CNTN5: variants seen among roughly 807,000 people sequenced by gnomAD.
The protein encoded by CNTN5 is contactin-5.
CNTN5 carries 77 observed loss-of-function variants against 129.1 expected under a neutral mutation model. The observed-to-expected ratio is 0.60, with a 90% CI of 0.50 to 0.72. CNTN5 has a LOEUF of 0.72. Ranked by LOEUF, CNTN5 falls within the 30% of genes least tolerant of loss-of-function variation. The pLI is 0.00. For missense variants in CNTN5, 1,478 were observed against 1,328.8 expected, an observed-to-expected ratio of 1.11 and a Z score of -1.75; for synonymous variants, 509 against 465.6, an observed-to-expected ratio of 1.09 and a Z score of -1.20.
At chr11:99,601,443 CATT>C (rs1456699301) in intron 3 of CNTN5, among the ~76,000 whole-genome samples, 1 of 152,148 alleles carries the variant, frequency 6.6e-6, no homozygotes, top group African/African-American at 2.4e-5. Flanking sequence ...CTCTTCTAAA[CATT>C]AATAATAGAA....
chr11:99,102,919 G>A (rs1443864490), intron 1 of CNTN5, among the ~76,000 whole-genome samples: 1 of 152,068 alleles, frequency 6.6e-6, no homozygotes, highest in Non-Finnish European at 1.5e-5. Context: ...ACAGACTGAA[G>A]ACTGGGTAAT....
At chr11:100,222,536 C>A (rs548143338) in intron 15 of CNTN5, among the ~76,000 whole-genome samples, 1 of 151,924 alleles carries the variant, frequency 6.6e-6, no homozygotes, top group East Asian at 1.9e-4. Flanking sequence ...TTATTAATTA[C>A]AGGAATGTGA....
intron 13 of CNTN5, among the ~76,000 whole-genome samples, chr11:100,182,127 A>G (rs766022241): frequency 2.0e-5 from 3 of 152,118 alleles, no homozygotes; most frequent in Non-Finnish European, 4.4e-5. Context: ...AATGCAGCAG[A>G]ACAGAGAATC....
chr11:99,688,659 T>A (rs1953901441), intron 3 of CNTN5, among the ~76,000 whole-genome samples: 1 of 152,174 alleles, frequency 6.6e-6, no homozygotes, highest in Non-Finnish European at 1.5e-5. Flanking sequence ...GCGGTTTTGT[T>A]ACATAGGTAA....
In CNTN5 at chr11:99,588,094, G is replaced by A. The variant is rs1327583423; in HGVS notation, c.55+31825G>A. ...CGCAGTGGCTCACGCCTGTAATCCC[G>A]GCACTTTGGGAGGCCGAGGCGGGCG... On this transcript the variant is annotated intron_variant, in intron 3 of 24. Transcript: ENST00000524871. Among the ~76,000 whole-genome samples, 9 of 152,148 alleles carry A rather than the reference G, an allele frequency of 5.9e-5. No homozygotes were observed. In the East Asian group the frequency reaches 7.8e-4, roughly 13 times the overall value.
At chr11:100,155,008 GA>G (rs1363909601) in intron 13 of CNTN5, among the ~76,000 whole-genome samples, 1 of 152,116 alleles carries the variant, frequency 6.6e-6, no homozygotes, top group African/African-American at 2.4e-5. Flanking sequence ...TGGCTGTGCA[GA>G]AACTCTTTAG....
At chr11:99,627,619 A>T (rs1448692678) in intron 3 of CNTN5, among the ~76,000 whole-genome samples, 7 of 152,088 alleles carry the variant, frequency 4.6e-5, no homozygotes, top group Non-Finnish European at 1.0e-4. Flanking sequence ...ACGAGTAAGG[A>T]GAATGAGCTG....
intron 1 of CNTN5, among the ~76,000 whole-genome samples, chr11:99,199,839 A>C (rs540972767): frequency 6.6e-6 from 1 of 152,294 alleles, no homozygotes; most frequent in African/African-American, 2.4e-5. Flanking sequence ...ATTCGGGGAG[A>C]GGTGAAGAAT....
intron 2 of CNTN5, among the ~76,000 whole-genome samples, chr11:99,420,889 C>T (rs1219642030): frequency 6.6e-6 from 1 of 152,076 alleles, no homozygotes; most frequent in Admixed American, 6.6e-5. Flanking sequence ...CTCAGTATTC[C>T]TGCCCTTTGC....
intron 2 of CNTN5, among the ~76,000 whole-genome samples, chr11:99,525,081 G>C (rs1296420575): frequency 2.6e-5 from 4 of 152,006 alleles, no homozygotes. Context: ...ACTAGATACA[G>C]TACACATTGT....
intron 3 of CNTN5, among the ~76,000 whole-genome samples, chr11:99,702,479 T>G (rs1025263929): frequency 2.0e-5 from 3 of 150,980 alleles, no homozygotes; most frequent in Non-Finnish European, 4.5e-5. Context: ...ATGGCAGGCT[T>G]ATTAGTATCA....
intron 2 of CNTN5, among the ~76,000 whole-genome samples, chr11:99,442,825 G>C (rs562827497): frequency 1.3e-5 from 2 of 152,180 alleles, no homozygotes; most frequent in Non-Finnish European, 2.9e-5. Flanking sequence ...GTCTGTGAAC[G>C]AAGTGATACA....
intron 8 of CNTN5, among the ~76,000 whole-genome samples, chr11:100,001,299 G>C (rs1398942225): frequency 6.6e-6 from 1 of 152,114 alleles, no homozygotes; most frequent in East Asian, 1.9e-4. Flanking sequence ...ATGAAATTTT[G>C]TGAGAACTCT....
chr11:99,455,439 G>T (rs79119223), intron 2 of CNTN5, among the ~76,000 whole-genome samples: 3 of 147,498 alleles, frequency 2.0e-5, no homozygotes, highest in African/African-American at 7.4e-5. Context: ...AAAATATGTA[G>T]TTTTTTTTTT....
chr11:100,253,202 A>G (rs1464410939), intron 16 of CNTN5, among the ~76,000 whole-genome samples: 1 of 152,136 alleles, frequency 6.6e-6, no homozygotes, highest in Non-Finnish European at 1.5e-5. Flanking sequence ...TTTCTAAATT[A>G]ACAGTGAAAA....
intron 3 of CNTN5, among the ~76,000 whole-genome samples, chr11:99,580,725 T>G (rs961778699): frequency 6.6e-6 from 1 of 150,916 alleles, no homozygotes; most frequent in African/African-American, 2.4e-5. Flanking sequence ...CTCTCTTTTC[T>G]TCTTTATTAG....
intron 3 of CNTN5, among the ~76,000 whole-genome samples, chr11:99,654,793 A>C (rs1260661847): frequency 6.6e-6 from 1 of 152,082 alleles, no homozygotes; most frequent in East Asian, 1.9e-4. Context: ...AAAAATCCCA[A>C]GTCTTTTTTA....
intron 1 of CNTN5, among the ~76,000 whole-genome samples, chr11:99,075,644 A>G (rs965771022): frequency 1.3e-5 from 2 of 152,228 alleles, no homozygotes; most frequent in Non-Finnish European, 2.9e-5. Flanking sequence ...TTATTTATTT[A>G]GCAACTTTAT....
chr11:99,093,446 T>G (rs557459054), intron 1 of CNTN5, among the ~76,000 whole-genome samples: 9 of 49,370 alleles, frequency 1.8e-4, no homozygotes, highest in East Asian at 1.2e-3. Flanking sequence ...TGTTTTTCTG[T>G]TTTTTTTTTT....
Sources: allele counts gnomAD v4.1 joint callset (sites outside exome capture counted in the v4.1 genomes callset), GRCh38; gene constraint gnomAD v4.1.1; transcripts MANE v1.5; gene names NCBI Gene and HGNC (gene_info 2026-07-23, HGNC 2026-07-21).